Variants in TMEM41A observed in about 807,000 individuals in gnomAD.
TMEM41A encodes the protein transmembrane protein 41A.
TMEM41A carries 20 observed loss-of-function variants against 25.7 expected under a neutral mutation model. The observed-to-expected ratio is 0.78, with a 90% CI of 0.55 to 1.13. TMEM41A has a LOEUF of 1.13. Ranked by LOEUF, TMEM41A falls within the 50% of genes most tolerant of loss-of-function variation. The probability of loss-of-function intolerance (pLI) is 0.00; values close to 1 mark genes in which losing one functional copy is unlikely to be tolerated. For synonymous variants in TMEM41A, 133 were observed against 139.6 expected, an observed-to-expected ratio of 0.95 and a Z score of 0.33; for missense variants, 299 against 314.3, an observed-to-expected ratio of 0.95 and a Z score of 0.37.
intron 3 of TMEM41A, 160 bp downstream of exon 3, chr3:185,494,994 C>A (rs1560147510): frequency 1.1e-5 from 11 of 1,005,446 alleles, no homozygotes; most frequent in Non-Finnish European, 1.4e-5. Flanking sequence ...GGGATTTGAT[C>A]CCAGGTCTAT....
In TMEM41A at chr3:185,490,063, G is replaced by A. The variant is rs1718900162; in HGVS notation, c.*1474C>T. 2 of 152,192 alleles carry A rather than the reference G, an allele frequency of 1.3e-5. No individual in the cohort carries two copies. The highest frequency in any genetic ancestry group is 2.1e-4 in the South Asian group (1 of 4,824). The allele number at this position is 152,192 out of a possible 1,614,324, so 9.4% of individuals were successfully genotyped here. A position where few individuals can be genotyped will look rare whatever the true frequency, so the allele number is the denominator to read the frequency against. On this transcript the variant is annotated 3_prime_UTR_variant, in exon 5 of 5. Coordinates refer to ENST00000421852, the MANE Select transcript of TMEM41A (RefSeq NM_080652.4). ...AGATGATGCCCAAAAGCAGCAGTCTGGTAAGTCCTGATGAGTTACTCCTGT... is the reference window on the plus strand; with the variant it reads ...AGATGATGCCCAAAAGCAGCAGTCTAGTAAGTCCTGATGAGTTACTCCTGT...
chr3:185,496,862 T>C lies in TMEM41A; in HGVS notation c.239A>G (p.Lys80Arg), dbSNP rs1423622992. 6.2e-7 allele frequency: 1 copy of C among 1,608,292 alleles called. No homozygotes were observed. The highest frequency in any genetic ancestry group is 2.2e-5 in the East Asian group (1 of 44,720). Residue 80 changes from lysine (K) to arginine (R), a missense_variant, in exon 2 of 5, where the codon AAA becomes AGA. Coordinates refer to ENST00000421852, the MANE Select transcript of TMEM41A (RefSeq NM_080652.4). ...FLLFCGAYLY[K>R]QGFAIPGSSF... ...GGAGCCGGGGATGGCAAAGCCCTGT[T>C]TGTAGAGGTAGGCGCCGCAGAAGAG...
chr3:185,492,659 A>G (rs1718992293), intron 4 of TMEM41A: 1 of 152,226 alleles, frequency 6.6e-6, no homozygotes, highest in Non-Finnish European at 1.5e-5. Flanking sequence ...AATTCTGGGT[A>G]CTTGGTTCTG....
At position 185,498,424 on chromosome 3, in the gene TMEM41A, G is replaced by A. The variant is rs559230770; in HGVS notation, c.119+419C>T. The A allele has an allele frequency of 1.3e-3, 221 of 175,360 alleles. 1 individual carries two copies. The highest frequency in any genetic ancestry group is 1.9e-3 in the Non-Finnish European group (158 of 83,512). 10.9% of individuals were successfully genotyped at this position (175,360 alleles called of 1,614,324 possible). ...GACCTGACGTAAGTGGGGTGGGGAGGAGGAGAGACAGTTGAAAGTGGACTT... is the reference window on the plus strand; with the variant it reads ...GACCTGACGTAAGTGGGGTGGGGAGAAGGAGAGACAGTTGAAAGTGGACTT... On this transcript the variant is annotated intron_variant, in intron 1 of 4. Transcript: ENST00000421852.
At position 185,496,720 on chromosome 3, in the gene TMEM41A, C is replaced by G. The variant is rs578158373; in HGVS notation, c.273+108G>C. The G allele has an allele frequency of 1.9e-4, 259 of 1,399,074 alleles. No individual in the cohort carries two copies. The East Asian group carries it at 4.6e-3, about 25-fold the overall frequency. 86.7% of individuals were successfully genotyped at this position (1,399,074 alleles called of 1,614,324 possible). A position where few individuals can be genotyped will look rare whatever the true frequency, so the allele number is the denominator to read the frequency against. On this transcript the variant is annotated intron_variant, in intron 2 of 4. Coordinates refer to ENST00000421852, the MANE Select transcript of TMEM41A (RefSeq NM_080652.4). ...CCACTGTGTGCCAGCCCCGATACAC[C>G]CACTGTCACTTTTAATCATCCCCAC...
At position 185,498,874 on chromosome 3, in the gene TMEM41A, T is replaced by G; in HGVS notation, c.88A>C (p.Arg30=). The change falls in exon 1 of 5, where the codon AGA becomes CGA. Residue 30 remains arginine, a synonymous_variant. Transcript: ENST00000421852. Reference sequence around the variant, plus strand: ...CCAGCCTCCTCGGTGGAGCCCAGTCTCCGCCCGCGGGGCAGTCGCGTCGAC... The same window carrying G: ...CCAGCCTCCTCGGTGGAGCCCAGTCGCCGCCCGCGGGGCAGTCGCGTCGAC... ...LLSTRLPRGR[R]LGSTEEAGGR... The G allele has an allele frequency of 6.2e-7, 1 of 1,605,382 alleles. No individual in the cohort carries two copies. Among genetic ancestry groups the G allele is most frequent in the Non-Finnish European group, 8.5e-7 (1 of 1,176,962 alleles).
chr3:185,497,478 C>T (rs999411775), intron 1 of TMEM41A, among the ~76,000 whole-genome samples: 1 of 152,232 alleles, frequency 6.6e-6, no homozygotes, highest in African/African-American at 2.4e-5. Context: ...TTAGCATTCA[C>T]TATAAAGCCA....
intron 1 of TMEM41A, chr3:185,498,602 C>G: frequency 2.2e-6 from 1 of 464,564 alleles, no homozygotes. Context: ...GCCCTGCACA[C>G]CCTGCAGCCA....
chr3:185,492,567 T>C (rs1473402805), intron 4 of TMEM41A: 1 of 152,194 alleles, frequency 6.6e-6, no homozygotes, highest in Non-Finnish European at 1.5e-5. Flanking sequence ...ATTCCAAAAG[T>C]CTGGCTGGCT....
intron 4 of TMEM41A, chr3:185,493,832 A>C (rs1408495750): frequency 6.6e-6 from 1 of 152,240 alleles, no homozygotes; most frequent in African/African-American, 2.4e-5. Context: ...TGAGCCACTC[A>C]GCCCGGCCTC....
At chr3:185,493,207 A>G (rs1178822872) in intron 4 of TMEM41A, 1 of 152,236 alleles carries the variant, frequency 6.6e-6, no homozygotes, top group African/African-American at 2.4e-5. Context: ...CCACTCTGAT[A>G]AAGGTGGTCC....
intron 3 of TMEM41A, 110 bp downstream of exon 3, chr3:185,495,044 A>T (rs761710922): frequency 1.6e-4 from 220 of 1,360,910 alleles, no homozygotes; most frequent in Non-Finnish European, 2.0e-4. Flanking sequence ...GGACCTCCTG[A>T]AACAGCGTGG....
chr3:185,495,610 T>C (rs1410357301), intron 2 of TMEM41A: 1 of 361,372 alleles, frequency 2.8e-6, no homozygotes, highest in African/African-American at 2.0e-5. Flanking sequence ...TCACCCACTT[T>C]TTAAAATTTT....
intron 2 of TMEM41A, chr3:185,495,973 A>G (rs918960800): frequency 1.3e-5 from 2 of 153,302 alleles, no homozygotes; most frequent in African/African-American, 4.8e-5. Context: ...ACAAACCATG[A>G]ATTTTCCCTT....
At chr3:185,496,686 T>C (rs757306557) in intron 2 of TMEM41A, 142 bp downstream of exon 2, 10 of 1,045,908 alleles carry the variant, frequency 9.6e-6, no homozygotes, top group Non-Finnish European at 1.1e-5. Context: ...CCTCCGTAAG[T>C]GCTGAGGGCC....
At position 185,493,898 on chromosome 3, in the gene TMEM41A, T is replaced by A. The variant is rs561594549; in HGVS notation, c.574+725A>T. ...TCTTAATAGGTTTGCAGTTTGAGAA[T>A]GACTGGGTTTGCAGTTTGAAAATGA... On this transcript the variant is annotated intron_variant, in intron 4 of 4. Transcript: ENST00000421852. 6.2e-4 allele frequency: 95 copies of A among 152,354 alleles called. 1 individual carries two copies. Among genetic ancestry groups the A allele is most frequent in the African/African-American group, 2.2e-3 (92 of 41,558 alleles). 9.4% of individuals were successfully genotyped at this position (152,354 alleles called of 1,614,324 possible). A position where few individuals can be genotyped will look rare whatever the true frequency, so the allele number is the denominator to read the frequency against.
chr3:185,495,079 C>G, intron 3 of TMEM41A, 75 bp downstream of exon 3: 1 of 1,542,686 alleles, frequency 6.5e-7, no homozygotes, highest in Non-Finnish European at 8.8e-7. Context: ...AAATCCCTGC[C>G]ACTCGCTTCT....
intron 3 of TMEM41A, 169 bp from the exon 4 acceptor site, chr3:185,494,930 G>A: frequency 1.0e-6 from 1 of 997,490 alleles, no homozygotes; most frequent in East Asian, 2.5e-5. Context: ...ACATGCTGAG[G>A]ATCAGAGAAG....
intron 1 of TMEM41A, among the ~76,000 whole-genome samples, chr3:185,497,408 C>A (rs1211273655): frequency 6.6e-6 from 1 of 152,224 alleles, no homozygotes; most frequent in Non-Finnish European, 1.5e-5. Context: ...CTGCCTCCCC[C>A]ACAAACCAAG....
Sources: allele counts gnomAD v4.1 joint callset (sites outside exome capture counted in the v4.1 genomes callset), GRCh38; gene constraint gnomAD v4.1.1; transcripts MANE v1.5; gene names NCBI Gene and HGNC (gene_info 2026-07-23, HGNC 2026-07-21).